The following WNK4 variants were observed in gnomAD, a reference collection of about 807,000 sequenced individuals.
WNK4 encodes the protein WNK lysine deficient protein kinase 4, also known as serine/threonine-protein kinase WNK4.
In WNK4, 94 loss-of-function variants were observed where a neutral mutation model predicts 116.2. The observed-to-expected ratio is 0.81, with a 90% CI of 0.68 to 0.96. WNK4 has a LOEUF of 0.96. Among genes scored for constraint, WNK4 ranks in the 40% least tolerant of loss-of-function variants. WNK4 has a pLI of 0.00. For missense variants in WNK4, 1,542 were observed against 1,650.6 expected (o/e 0.93, Z 1.14); for synonymous variants, 655 against 672.7 (o/e 0.97, Z 0.41).
chr17:42,790,683 A>T (rs2054598915), intron 11 of WNK4, among the ~76,000 whole-genome samples: 1 of 152,140 alleles, frequency 6.6e-6, no homozygotes, highest in Non-Finnish European at 1.5e-5. Context: ...GTTAGTCAAA[A>T]CTGAGTGAGG....
Position 42,788,195 on chromosome 17 carries a change from T to C in WNK4, c.1922+7T>C. ...ACTTTTCCCCCGGGGACAGGTATGT[T>C]CTGGTACAAGTTGGGGTGCCAGGGT... On this transcript the variant is annotated splice_region_variant and intron_variant, in intron 9 of 18. Transcript: ENST00000246914. 1 of 1,614,172 alleles carries C rather than the reference T, an allele frequency of 6.2e-7. No individual in the cohort carries two copies. Among genetic ancestry groups the C allele is most frequent in the African/African-American group, 1.3e-5 (1 of 75,044 alleles).
At chr17:42,789,453 A>G (rs1249381318) in intron 11 of WNK4, among the ~76,000 whole-genome samples, 1 of 151,258 alleles carries the variant, frequency 6.6e-6, no homozygotes, top group Admixed American at 6.6e-5. Context: ...ACCCGAGGTC[A>G]GGAGTTCAAG....
chr17:42,782,741 C>A lies in WNK4; in HGVS notation c.619-17C>A. 1 of 1,613,812 alleles carries A rather than the reference C, an allele frequency of 6.2e-7. No individual in the cohort carries two copies. The highest frequency in any genetic ancestry group is 1.1e-5 in the South Asian group (1 of 91,056). ...GGTGTCCTGGGCCTGACATGACACC[C>A]GTCCCCCATCCCACAGACTCGGAAA... On this transcript the variant is annotated splice_polypyrimidine_tract_variant and intron_variant, in intron 1 of 18. Transcript: ENST00000246914. The surrounding 1 kb of genome is among the most constrained non-coding windows in gnomAD (Gnocchi z 4.2).
In WNK4 at chr17:42,788,734, C is replaced by T. The variant is rs2054579484; in HGVS notation, c.2094C>T (p.Ser698=). 2 of 1,614,094 alleles carry T rather than the reference C, an allele frequency of 1.2e-6. No individual in the cohort carries two copies. Among genetic ancestry groups the T allele is most frequent in the Non-Finnish European group, 1.7e-6 (2 of 1,180,012 alleles). ...AGTGCCAGCTACAGACCCATAACAG[C>T]AAGATGGTGACCTTCCGATTTGATC... is the stretch of plus-strand genomic sequence containing the variant. The part of the protein sequence containing the change: ...VVECQLQTHN[S]KMVTFRFDLD... Residue 698 remains serine, a synonymous_variant, in exon 11 of 19, where the codon AGC becomes AGT. Transcript: ENST00000246914.
In WNK4 at chr17:42,781,121, G is replaced by A. The variant is rs776568147; in HGVS notation, c.423G>A (p.Arg141=). 5.0e-6 allele frequency: 8 copies of A among 1,613,906 alleles called. No homozygotes were observed. The Admixed American group carries it at 1.2e-4, about 24-fold the overall frequency. ...AVGPGSREPL[R]VPEAVALERR... ...GCCCGGGGTCCAGGGAGCCGCTAAG[G>A]GTCCCTGAAGCTGTGGCCCTAGAGC... The change falls in exon 1 of 19, where the codon AGG becomes AGA. Residue 141 remains arginine, a synonymous_variant. Coordinates refer to ENST00000246914, the MANE Select transcript of WNK4 (RefSeq NM_032387.5).
Position 42,785,400 on chromosome 17 carries a change from G to C in WNK4, c.1394G>C (p.Gly465Ala), listed in dbSNP as rs145499777. Residue 465 changes from glycine to alanine, a missense_variant, in exon 6 of 19, where the codon GGG becomes GCG. Gly to Ala is a moderately conservative substitution (Grantham distance 60). Around this residue, in one of 7 missense-constraint regions of WNK4, gnomAD observed 808 missense variants for 873.6 expected, o/e 0.92. Transcript: ENST00000246914. ...CTGCGCATGGAGGACGCGCGGCGCG[G>C]GGGGCGCCCACGGGACAACCAGGCC... Reference protein sequence around the residue: ...LWLRMEDARRGGRPRDNQAIE... With the variant: ...LWLRMEDARRAGRPRDNQAIE... The C allele has an allele frequency of 1.9e-6, 3 of 1,581,002 alleles. No individual in the cohort carries two copies. The highest frequency in any genetic ancestry group is 2.6e-6 in the Non-Finnish European group (3 of 1,163,430).
chr17:42,788,525 A>G, intron 10 of WNK4, 118 bp downstream of exon 10: 1 of 1,217,274 alleles, frequency 8.2e-7, no homozygotes, highest in South Asian at 1.2e-5. Context: ...AGTACTCAAG[A>G]GGCGGCCAGT....
In WNK4 at chr17:42,795,387, G is replaced by A. The variant is rs938217120; in HGVS notation, c.2961+5G>A. The A allele has an allele frequency of 1.2e-6, 2 of 1,614,060 alleles. No individual in the cohort carries two copies. The highest frequency in any genetic ancestry group is 2.2e-5 in the East Asian group (1 of 44,842). ...ACAGCTGAGGTGGAGAGTGAGGTGA[G>A]TAGAAAACCAAGAGGGATGATTAGG... On this transcript the variant is annotated splice_donor_5th_base_variant and intron_variant, in intron 14 of 18. Transcript: ENST00000246914.
At chr17:42,785,506 G>T (rs1251127007) in intron 6 of WNK4, 24 bp downstream of exon 6, 1 of 1,551,256 alleles carries the variant, frequency 6.4e-7, no homozygotes, top group African/African-American at 1.4e-5. Flanking sequence ...AGACTGTGCT[G>T]CCACTGGACG....
Position 42,783,935 on chromosome 17 carries a change from A to G in WNK4, c.792-2A>G. ...GGACTCTGGCTATGCGCCCTCCCCC[A>G]GGTACCTGAGGCGGTTCCGGGAGAT... On this transcript the variant is annotated splice_acceptor_variant, in intron 2 of 18. Coordinates refer to ENST00000246914, the MANE Select transcript of WNK4 (RefSeq NM_032387.5). LOFTEE classifies it high-confidence loss of function. 6.2e-6 allele frequency: 10 copies of G among 1,612,720 alleles called. No homozygotes were observed. Among genetic ancestry groups the G allele is most frequent in the Middle Eastern group, 1.7e-4 (1 of 6,060 alleles).
chr17:42,780,628 C>A lies in WNK4; in HGVS notation c.-71C>A. The A allele has an allele frequency of 6.3e-7, 1 of 1,583,422 alleles. No individual in the cohort carries two copies. Among genetic ancestry groups the A allele is most frequent in the Non-Finnish European group, 8.5e-7 (1 of 1,170,120 alleles). On this transcript the variant is annotated 5_prime_UTR_variant, in exon 1 of 19. Transcript: ENST00000246914. ...CTCAGCCGGAGCGCAGCGCACCCAG[C>A]GAGTCCGTCTGTCAGGCCGCCTCCT...
Position 42,795,185 on chromosome 17 carries a change from CCT to C in WNK4, c.2768_2769del (p.Leu923ProfsTer5). On this transcript the variant is annotated frameshift_variant, in exon 14 of 19. Transcript: ENST00000246914. LOFTEE classifies it high-confidence loss of function. ...TSSFPSTTAA[P>X]LLSLASAFSL... is the part of the protein sequence containing the mutation. ...TTCCTTCCCCTCCACCACAGCAGCC[CCT>C]CTCCTTTCTCTGGCTAGTGCCTTCT... 3 of 1,614,050 alleles carry C rather than the reference CCT, an allele frequency of 1.9e-6. No individual in the cohort carries two copies. Among genetic ancestry groups the C allele is most frequent in the Non-Finnish European group, 2.5e-6 (3 of 1,179,996 alleles).
chr17:42,788,763 A>G lies in WNK4; in HGVS notation c.2123A>G (p.Asp708Gly). The change falls in exon 11 of 19, where the codon GAT becomes GGT. Residue 708 changes from aspartate (D) to glycine (G), a missense_variant. Physicochemically the swap from Asp to Gly is moderately conservative, Grantham distance 94. Coordinates refer to ENST00000246914, the MANE Select transcript of WNK4 (RefSeq NM_032387.5). ...SKMVTFRFDLDGDSPEEIAAA... is the reference protein window; with the variant it reads ...SKMVTFRFDLGGDSPEEIAAA... ...ATGGTGACCTTCCGATTTGATCTGG[A>G]TGGGGACAGCCCGGAAGAGATTGCA... 6.2e-7 allele frequency: 1 copy of G among 1,614,088 alleles called. No individual in the cohort carries two copies.
chr17:42,787,808 C>T lies in WNK4; in HGVS notation c.1772C>T (p.Ser591Phe). Reference sequence around the variant, plus strand: ...TGCGAGACTGATGGCTACCTCAGCTCCTCCGGCTTCCTGGATGCCTCAGAC... The same window carrying T: ...TGCGAGACTGATGGCTACCTCAGCTTCTCCGGCTTCCTGGATGCCTCAGAC... ...SDCETDGYLS[S>F]SGFLDASDPA... Residue 591 changes from serine to phenylalanine, a missense_variant, in exon 8 of 19, where the codon TCC becomes TTC. Transcript: ENST00000246914. 1.2e-6 allele frequency: 2 copies of T among 1,612,508 alleles called. No individual in the cohort carries two copies. Among genetic ancestry groups the T allele is most frequent in the Non-Finnish European group, 1.7e-6 (2 of 1,180,024 alleles).
chr17:42,795,784 G>A lies in WNK4; in HGVS notation c.3182G>A (p.Gly1061Glu). 1 of 1,613,862 alleles carries A rather than the reference G, an allele frequency of 6.2e-7. No homozygotes were observed. Among genetic ancestry groups the A allele is most frequent in the South Asian group, 1.1e-5 (1 of 91,086 alleles). The stretch of plus-strand genomic sequence containing the variant: ...AGCTCAGATACAGAGGACAGTGCTG[G>A]AGGCGGGCCAGAGACCAGGGAAGCT... ...SESSDTEDSAGGGPETREALA... is the reference protein window; with the variant it reads ...SESSDTEDSAEGGPETREALA... Residue 1061 changes from glycine to glutamate, a missense_variant, in exon 16 of 19, where the codon GGA (glycine) becomes GAA (glutamate). This residue lies in a region of WNK4 where 292 missense variants were observed against 290.1 expected (regional missense o/e 1.01). Coordinates refer to ENST00000246914, the MANE Select transcript of WNK4 (RefSeq NM_032387.5).
intron 11 of WNK4, among the ~76,000 whole-genome samples, chr17:42,791,590 G>A (rs975879192): frequency 1.3e-5 from 2 of 151,540 alleles, no homozygotes; most frequent in African/African-American, 4.9e-5. Context: ...GGTGAGCCAC[G>A]GTCATACCAT....
chr17:42,796,282 C>G lies in WNK4; in HGVS notation c.3591C>G (p.Ser1197=), dbSNP rs1334841336. The G allele has an allele frequency of 6.2e-7, 1 of 1,610,900 alleles. No individual in the cohort carries two copies. The highest frequency in any genetic ancestry group is 1.3e-5 in the African/African-American group (1 of 74,886). ...TCTCCAAGGGCAGCTTCCCCACCTCCCGCCGCAACAGCCTACAGCGCTCTG... is the reference window on the plus strand; with the variant it reads ...TCTCCAAGGGCAGCTTCCCCACCTCGCGCCGCAACAGCCTACAGCGCTCTG... ...RRLSKGSFPT[S]RRNSLQRSEP... Residue 1197 remains serine, a synonymous_variant, in exon 17 of 19, where the codon TCC becomes TCG. Coordinates refer to ENST00000246914, the MANE Select transcript of WNK4 (RefSeq NM_032387.5).
rs1473928875 is a variant in WNK4 at position 42,795,257 on chromosome 17, C to T, written c.2836C>T (p.Pro946Ser). ...GGCCCAGTCCCTGCTGTCCCCCTCA[C>T]CTGGGCTCCTTTCCCAGTCTCCTCC... ...TVAQSLLSPSPGLLSQSPPAP... is the reference protein window; with the variant it reads ...TVAQSLLSPSSGLLSQSPPAP... The change falls in exon 14 of 19, where the codon CCT (proline) becomes TCT (serine). Residue 946 changes from proline (P) to serine (S), a missense_variant. Pro to Ser is a moderately conservative substitution (Grantham distance 74). Around this residue, in one of 7 missense-constraint regions of WNK4, gnomAD observed 292 missense variants for 290.1 expected, o/e 1.01. Transcript: ENST00000246914. 6.2e-7 allele frequency: 1 copy of T among 1,613,898 alleles called. No homozygotes were observed. The highest frequency in any genetic ancestry group is 8.5e-7 in the Non-Finnish European group (1 of 1,179,884).
At chr17:42,793,087 G>A (rs777822020) in intron 11 of WNK4, among the ~76,000 whole-genome samples, 19 of 152,306 alleles carry the variant, frequency 1.2e-4, no homozygotes, top group Non-Finnish European at 2.4e-4. Flanking sequence ...GTATATATAC[G>A]CATCCTATGA....
Sources: gnomAD v4.1 joint callset for allele counts (sites outside exome capture counted in the v4.1 genomes callset) on GRCh38, gnomAD v4.1.1 for gene constraint, gnomAD v4.1.1 regional missense constraint, Gnocchi (gnomAD v3.1) non-coding constraint, MANE v1.5 for transcripts, NCBI Gene and HGNC (gene_info 2026-07-23, HGNC 2026-07-21) for gene names.